The following RYR2 variants were observed in gnomAD, a reference collection of about 807,000 sequenced individuals.
RYR2 encodes ryanodine receptor 2.
In RYR2, 227 loss-of-function variants were observed where a neutral mutation model predicts 601.1. That is an observed-to-expected ratio of 0.38 (90% CI 0.34 to 0.42). RYR2 has a LOEUF of 0.42. RYR2 is among the 10% of genes least tolerant of loss of function. The pLI, the probability that RYR2 is intolerant of heterozygous loss-of-function variation, is 1.00. For synonymous variants in RYR2, 2,223 were observed against 2,175.1 expected (o/e 1.02, Z -0.61); for missense variants, 4,646 against 6,156.5 (o/e 0.75, Z 8.21).
intron 29 of RYR2, among the ~76,000 whole-genome samples, chr1:237,578,709 T>G (rs1473734956): frequency 1.3e-5 from 1 of 76,996 alleles, no homozygotes; most frequent in Non-Finnish European, 2.7e-5. Context: ...TCTGCAGTTT[T>G]GATAAGGTGG....
chr1:237,620,251 A>G (rs929034858), intron 38 of RYR2, among the ~76,000 whole-genome samples: 12 of 152,192 alleles, frequency 7.9e-5, no homozygotes, highest in African/African-American at 2.9e-4. Context: ...ACATTGTACC[A>G]TCTGGTGCAC....
At chr1:237,680,844 G>A (rs1254257205) in intron 62 of RYR2, among the ~76,000 whole-genome samples, 1 of 152,214 alleles carries the variant, frequency 6.6e-6, no homozygotes, top group Non-Finnish European at 1.5e-5. Flanking sequence ...TACACATAGA[G>A]GCCGGATATG....
intron 74 of RYR2, among the ~76,000 whole-genome samples, chr1:237,725,138 C>G (rs547173100): frequency 6.6e-6 from 1 of 152,068 alleles, no homozygotes; most frequent in Non-Finnish European, 1.5e-5. Flanking sequence ...ATAGAAGCAA[C>G]CCATACTTAA....
intron 1 of RYR2, among the ~76,000 whole-genome samples, chr1:237,207,117 T>C (rs945371482): frequency 3.3e-5 from 5 of 149,812 alleles, no homozygotes; most frequent in Non-Finnish European, 7.4e-5. Context: ...GAGACCAGCC[T>C]GGACAACAGT....
chr1:237,641,475 T>G (rs1244217514), intron 47 of RYR2, among the ~76,000 whole-genome samples: 8 of 16,970 alleles, frequency 4.7e-4, no homozygotes, highest in Non-Finnish European at 2.6e-3. Context: ...CTGTCTGTCT[T>G]TCTTTCTTTC....
intron 34 of RYR2, 93 bp downstream of exon 34, chr1:237,595,750 T>C (rs1675828184): frequency 1.4e-6 from 2 of 1,419,190 alleles, no homozygotes; most frequent in Non-Finnish European, 1.9e-6. Context: ...AAAAGTAAAA[T>C]AGACACATGT....
At chr1:237,705,897 A>G (rs1198466682) in intron 67 of RYR2, among the ~76,000 whole-genome samples, 1 of 152,224 alleles carries the variant, frequency 6.6e-6, no homozygotes, top group Non-Finnish European at 1.5e-5. Flanking sequence ...CTAGATGAAC[A>G]TGCAAACCAA....
intron 1 of RYR2, among the ~76,000 whole-genome samples, chr1:237,047,897 CAG>C (rs1360508464): frequency 6.6e-6 from 1 of 152,158 alleles, no homozygotes; most frequent in Non-Finnish European, 1.5e-5. Context: ...TCTTGAATAA[CAG>C]AGTCTGAAAA....
intron 33 of RYR2, 95 bp from the exon 34 acceptor site, chr1:237,595,403 G>T: frequency 7.0e-7 from 1 of 1,428,028 alleles, no homozygotes; most frequent in Non-Finnish European, 9.5e-7. Flanking sequence ...TGAGCTTGTT[G>T]CTTGCGCAGC....
chr1:237,817,754 G>A (rs186532820), intron 100 of RYR2, among the ~76,000 whole-genome samples: 128 of 152,334 alleles, frequency 8.4e-4, no homozygotes, highest in Middle Eastern at 3.4e-3. Context: ...TGGCAAAGGA[G>A]ACTGGAAAGC....
chr1:237,688,291 A>G (rs1443935841), intron 63 of RYR2, among the ~76,000 whole-genome samples: 2 of 152,184 alleles, frequency 1.3e-5, no homozygotes, highest in African/African-American at 2.4e-5. Context: ...GTAATAAAAC[A>G]TTGAATGTAT....
At chr1:237,638,572 T>C (rs948399891) in intron 45 of RYR2, 80 bp downstream of exon 45, 44 of 1,440,742 alleles carry the variant, frequency 3.1e-5, no homozygotes, top group Non-Finnish European at 3.9e-5. Context: ...CTCAGCACTT[T>C]CATGAAGGAA....
chr1:237,106,699 GGC>G lies in RYR2; in HGVS notation c.48+64131_48+64132del, dbSNP rs1668719686. Among the ~76,000 whole-genome samples, 2 of 152,122 alleles carry G rather than the reference GGC, an allele frequency of 1.3e-5. No individual in the cohort carries two copies. The highest frequency in any genetic ancestry group is 2.9e-5 in the Non-Finnish European group (2 of 68,022). ...CAGACATGGCACCTTCGTCCATTTGGGCTGCTATAACAAAATGCCATGGACTG... is the reference window on the plus strand; with the variant it reads ...CAGACATGGCACCTTCGTCCATTTGGTGCTATAACAAAATGCCATGGACTG... On this transcript the variant is annotated intron_variant, in intron 1 of 104. Transcript: ENST00000366574. The surrounding 1 kb of genome is among the most constrained non-coding windows in gnomAD (Gnocchi z 4.4).
At chr1:237,580,155 C>T (rs1441532179) in intron 29 of RYR2, among the ~76,000 whole-genome samples, 21 of 116,610 alleles carry the variant, frequency 1.8e-4, no homozygotes, top group East Asian at 5.9e-4. Flanking sequence ...CACAACAATT[C>T]TTTTTTTTTT....
chr1:237,664,875 T>G (rs758655670), intron 56 of RYR2, among the ~76,000 whole-genome samples: 1 of 152,122 alleles, frequency 6.6e-6, no homozygotes, highest in Non-Finnish European at 1.5e-5. Context: ...GTGGGCAAAA[T>G]TATGACTCCC....
chr1:237,182,843 C>G (rs949099759), intron 1 of RYR2, among the ~76,000 whole-genome samples: 1 of 152,212 alleles, frequency 6.6e-6, no homozygotes, highest in Non-Finnish European at 1.5e-5. Context: ...TTAGGCATTA[C>G]AGGCCAGCAT....
intron 1 of RYR2, among the ~76,000 whole-genome samples, chr1:237,071,652 C>T (rs928385191): frequency 6.6e-6 from 1 of 152,204 alleles, no homozygotes; most frequent in Non-Finnish European, 1.5e-5. Flanking sequence ...GGGAACTGGC[C>T]CCCTGGCCCC....
At chr1:237,545,281 G>A (rs867682000) in intron 25 of RYR2, among the ~76,000 whole-genome samples, 6 of 152,200 alleles carry the variant, frequency 3.9e-5, no homozygotes, top group Non-Finnish European at 5.9e-5. Context: ...AGCATAACTT[G>A]TCTATAAGTT....
rs1558274627 is a variant in RYR2 at position 237,714,990 on chromosome 1, T to TTA, written c.10324-2208_10324-2207insTA. 1.3e-4 allele frequency among the ~76,000 whole-genome samples: 12 copies of TTA among 89,400 alleles called. 1 individual carries two copies. The highest frequency in any genetic ancestry group is 4.2e-4 in the African/African-American group (6 of 14,422). 58.6% of individuals were successfully genotyped at this position (89,400 alleles called of 152,430 possible). ...CCTGGTGACAGAGCGAGACTCCATC[T>TTA]CAAAAAAAAAAAAAAAAAAAAAAAA... On this transcript the variant is annotated intron_variant, in intron 71 of 104. Coordinates refer to ENST00000366574, the MANE Select transcript of RYR2 (RefSeq NM_001035.3).
Sources: gnomAD v4.1 joint callset for allele counts (sites outside exome capture counted in the v4.1 genomes callset) on GRCh38, gnomAD v4.1.1 for gene constraint, Gnocchi (gnomAD v3.1) non-coding constraint, MANE v1.5 for transcripts, NCBI Gene and HGNC (gene_info 2026-07-23, HGNC 2026-07-21) for gene names.